Variants in TSGA10 observed in about 807,000 individuals in gnomAD.
The protein encoded by TSGA10 is testis-specific gene 10 protein.
Under a neutral mutation model 96.6 loss-of-function variants are expected in TSGA10, and 43 were observed. That is an observed-to-expected ratio of 0.44 (90% confidence interval 0.35 to 0.57). The LOEUF (loss-of-function observed/expected upper bound fraction) is 0.57, where lower values mean the gene tolerates loss of function less well. Among genes scored for constraint, TSGA10 ranks in the 20% least tolerant of loss-of-function variants. The probability of loss-of-function intolerance (pLI) is 0.01; values close to 1 mark genes in which losing one functional copy is unlikely to be tolerated. For missense variants in TSGA10, 703 were observed against 834.4 expected (o/e 0.84, Z 1.94); for synonymous variants, 229 against 269.9 (o/e 0.85, Z 1.48).
intron 20 of TSGA10, among the ~76,000 whole-genome samples, chr2:99,003,743 T>G (rs2078192565): frequency 6.6e-6 from 1 of 152,154 alleles, no homozygotes; most frequent in Non-Finnish European, 1.5e-5. Flanking sequence ...AGATGTTCTT[T>G]GAAACTAATG....
rs563999836 is a variant in TSGA10, at chr2:99,020,575, A to G, written c.1615-93T>C. On this transcript the variant is annotated intron_variant, in intron 17 of 20. Coordinates refer to ENST00000393483, the MANE Select transcript of TSGA10 (RefSeq NM_025244.4). Reference sequence around the variant, plus strand: ...ACTCACAAAATTTTCATAATCTGTTATAAACTGGCAACTACTTTTAATGTG... The same window carrying G: ...ACTCACAAAATTTTCATAATCTGTTGTAAACTGGCAACTACTTTTAATGTG... 94 of 876,604 alleles carry G rather than the reference A, an allele frequency of 1.1e-4. 3 individuals are homozygous for G. The South Asian group carries it at 1.5e-3, about 14-fold the overall frequency. 54.3% of individuals were successfully genotyped at this position (876,604 alleles called of 1,614,324 possible). A position where few individuals can be genotyped will look rare whatever the true frequency, so the allele number is the denominator to read the frequency against.
intron 20 of TSGA10, among the ~76,000 whole-genome samples, chr2:99,007,812 A>C (rs1319613479): frequency 6.6e-6 from 1 of 152,212 alleles, no homozygotes; most frequent in Non-Finnish European, 1.5e-5. Context: ...CTCTCTTTGG[A>C]AAGCCAGTTT....
intron 2 of TSGA10, among the ~76,000 whole-genome samples, chr2:99,119,541 T>C (rs1484742684): frequency 1.3e-5 from 2 of 152,182 alleles, no homozygotes; most frequent in Non-Finnish European, 2.9e-5. Context: ...ATGTACACAC[T>C]TGAAATTGAA....
intron 16 of TSGA10, among the ~76,000 whole-genome samples, chr2:99,042,883 G>C (rs2082339066): frequency 6.6e-6 from 1 of 151,812 alleles, no homozygotes; most frequent in East Asian, 1.9e-4. Flanking sequence ...TTTTTTAGTA[G>C]ATACAGGGTT....
intron 1 of TSGA10, chr2:99,141,845 G>T (rs2093566214): frequency 6.6e-6 from 1 of 152,422 alleles, no homozygotes; most frequent in Non-Finnish European, 1.5e-5. Flanking sequence ...GCTTTCGGGC[G>T]CAGCTCCTGC....
chr2:99,081,477 T>A, intron 10 of TSGA10, 80 bp from the exon 11 acceptor site: 1 of 558,070 alleles, frequency 1.8e-6, no homozygotes, highest in Non-Finnish European at 3.1e-6. Context: ...TAAAAACTTT[T>A]AAGGACACTA....
intron 16 of TSGA10, among the ~76,000 whole-genome samples, chr2:99,056,031 G>A (rs1435803031): frequency 6.6e-6 from 1 of 151,692 alleles, no homozygotes; most frequent in Non-Finnish European, 1.5e-5. Flanking sequence ...GTGAAACCCC[G>A]TCTGTACTAA....
chr2:99,144,878 G>C (rs1375484212), intron 1 of TSGA10, among the ~76,000 whole-genome samples: 1 of 152,256 alleles, frequency 6.6e-6, no homozygotes, highest in Admixed American at 6.5e-5. Flanking sequence ...ATATGCTTGA[G>C]GAACAGCAAT....
At chr2:99,086,313 A>C (rs1328992588) in intron 10 of TSGA10, among the ~76,000 whole-genome samples, 2 of 152,224 alleles carry the variant, frequency 1.3e-5, no homozygotes, top group Non-Finnish European at 2.9e-5. Flanking sequence ...ATGCTTTTGG[A>C]GAAAGCATAA....
chr2:99,076,336 C>T (rs1050129060), intron 12 of TSGA10, among the ~76,000 whole-genome samples: 1 of 152,160 alleles, frequency 6.6e-6, no homozygotes, highest in African/African-American at 2.4e-5. Context: ...CCTGTCACTA[C>T]TCTCATTTCC....
At chr2:99,122,177 G>A (rs2092607730) in intron 2 of TSGA10, among the ~76,000 whole-genome samples, 1 of 152,164 alleles carries the variant, frequency 6.6e-6, no homozygotes, top group Non-Finnish European at 1.5e-5. Flanking sequence ...TATAAGTGTT[G>A]AAATCATGAA....
chr2:99,106,158 C>A (rs1235601430), intron 7 of TSGA10, among the ~76,000 whole-genome samples: 1 of 152,166 alleles, frequency 6.6e-6, no homozygotes, highest in Non-Finnish European at 1.5e-5. Flanking sequence ...GATAACCCAA[C>A]AGAGTCTCTG....
Position 98,998,167 on chromosome 2 carries a change from T to A in TSGA10, c.*30A>T. 1 of 1,590,508 alleles carries A rather than the reference T, an allele frequency of 6.3e-7. No homozygotes were observed. The highest frequency in any genetic ancestry group is 8.5e-7 in the Non-Finnish European group (1 of 1,171,872). ...AAAATCAGTTTGTAACTTTGACCTT[T>A]CTCAGGGATGTGAAGAATCATTTCA... On this transcript the variant is annotated 3_prime_UTR_variant, in exon 21 of 21. Coordinates refer to ENST00000393483, the MANE Select transcript of TSGA10 (RefSeq NM_025244.4).
intron 7 of TSGA10, 64 bp downstream of exon 7, chr2:99,108,766 AAAG>A (rs886194866): frequency 1.1e-4 from 135 of 1,234,760 alleles, no homozygotes; most frequent in Admixed American, 9.1e-4. Context: ...CATAAAACTC[AAAG>A]AAGAATTACA....
intron 16 of TSGA10, among the ~76,000 whole-genome samples, chr2:99,055,931 C>T (rs1438263725): frequency 7.3e-5 from 11 of 150,726 alleles, no homozygotes; most frequent in Non-Finnish European, 1.2e-4. Flanking sequence ...CGGCCAGGCG[C>T]GGTGGCTCAC....
intron 1 of TSGA10, among the ~76,000 whole-genome samples, chr2:99,136,314 A>G (rs1351115148): frequency 6.6e-6 from 1 of 152,206 alleles, no homozygotes; most frequent in Non-Finnish European, 1.5e-5. Context: ...AATAGCTAGA[A>G]TAAGAATGAA....
intron 1 of TSGA10, chr2:99,150,973 TC>T (rs1268225889): frequency 1.8e-6 from 1 of 550,564 alleles, no homozygotes; most frequent in East Asian, 3.0e-5. Context: ...TTGTGAATCA[TC>T]TTACACTGCA....
chr2:99,138,593 T>A (rs1354997805), intron 1 of TSGA10, among the ~76,000 whole-genome samples: 2 of 152,224 alleles, frequency 1.3e-5, no homozygotes, highest in Non-Finnish European at 2.9e-5. Flanking sequence ...ATGGAAAATG[T>A]AAACTTCTTT....
intron 10 of TSGA10, among the ~76,000 whole-genome samples, chr2:99,097,739 T>A (rs914177097): frequency 6.6e-6 from 1 of 152,158 alleles, no homozygotes; most frequent in Non-Finnish European, 1.5e-5. Flanking sequence ...AAAATACAAA[T>A]GGACCAAATG....
Sources: gnomAD v4.1 joint callset for allele counts (sites outside exome capture counted in the v4.1 genomes callset) on GRCh38, gnomAD v4.1.1 for gene constraint, MANE v1.5 for transcripts, NCBI Gene and HGNC (gene_info 2026-07-23, HGNC 2026-07-21) for gene names.